The following CBFB variants were observed in gnomAD, a reference collection of about 807,000 sequenced individuals.
CBFB encodes the protein core-binding factor subunit beta.
A neutral mutation model predicts 30.4 loss-of-function variants in CBFB; 9 were observed. The observed-to-expected ratio is 0.30, with a 90% CI of 0.18 to 0.52. The LOEUF is 0.52. CBFB is among the 20% of genes least tolerant of loss of function. The pLI, the probability that CBFB is intolerant of heterozygous loss-of-function variation, is 0.97. For synonymous variants in CBFB, 94 were observed against 84.0 expected (o/e 1.12, Z -0.65); for missense variants, 170 against 244.0 (o/e 0.70, Z 2.02).
At chr16:67,042,187 G>T (rs1966543543) in intron 3 of CBFB, among the ~76,000 whole-genome samples, 1 of 152,140 alleles carries the variant, frequency 6.6e-6, no homozygotes. Flanking sequence ...GCCTCCCAAA[G>T]TGCTGGGATT....
intron 3 of CBFB, among the ~76,000 whole-genome samples, chr16:67,061,106 A>C (rs1960898825): frequency 6.6e-6 from 1 of 152,236 alleles, no homozygotes; most frequent in Admixed American, 6.5e-5. Flanking sequence ...TGTATAATTT[A>C]AATTGAATAT....
At chr16:67,098,688 A>C (rs777182039) in intron 5 of CBFB, 22 bp from the exon 6 acceptor site, 2 of 1,529,680 alleles carry the variant, frequency 1.3e-6, no homozygotes, top group Non-Finnish European at 1.8e-6. Flanking sequence ...TTTGACCCCA[A>C]ATTATGATTT....
At chr16:67,055,955 A>C (rs926819535) in intron 3 of CBFB, among the ~76,000 whole-genome samples, 3 of 152,166 alleles carry the variant, frequency 2.0e-5, no homozygotes, top group Non-Finnish European at 4.4e-5. Flanking sequence ...GACAGGGTAC[A>C]TACTTCTTCA....
intron 3 of CBFB, among the ~76,000 whole-genome samples, 190 bp from the exon 4 acceptor site, chr16:67,066,492 A>C (rs767829551): frequency 2.0e-5 from 3 of 151,894 alleles, no homozygotes; most frequent in Non-Finnish European, 2.9e-5. Flanking sequence ...CCCGGGAGGC[A>C]GAGGTTGCAG....
intron 5 of CBFB, among the ~76,000 whole-genome samples, chr16:67,092,007 A>G (rs775857424): frequency 6.6e-6 from 1 of 151,850 alleles, no homozygotes; most frequent in African/African-American, 2.4e-5. Context: ...CCAGTCATCT[A>G]TGTTTTAAGC....
chr16:67,052,390 T>A (rs547657282), intron 3 of CBFB, among the ~76,000 whole-genome samples: 1 of 152,174 alleles, frequency 6.6e-6, no homozygotes, highest in South Asian at 2.1e-4. Flanking sequence ...GTCAACATAG[T>A]GAGACCCCAT....
intron 3 of CBFB, among the ~76,000 whole-genome samples, chr16:67,052,432 T>G (rs1237845085): frequency 6.6e-6 from 1 of 151,886 alleles, no homozygotes; most frequent in Admixed American, 6.6e-5. Flanking sequence ...TTTAAGTGAC[T>G]GGGCATAGTG....
chr16:67,050,618 C>T (rs1259505501), intron 3 of CBFB, among the ~76,000 whole-genome samples: 1 of 151,830 alleles, frequency 6.6e-6, no homozygotes, highest in African/African-American at 2.4e-5. Context: ...AATATGAGAC[C>T]CTGTCTGTAC....
intron 3 of CBFB, among the ~76,000 whole-genome samples, chr16:67,056,385 T>C (rs1209934159): frequency 1.3e-5 from 2 of 152,186 alleles, no homozygotes; most frequent in Non-Finnish European, 2.9e-5. Context: ...CAAAATTATG[T>C]ATTGATCAGT....
chr16:67,057,803 A>G (rs1035040901), intron 3 of CBFB, among the ~76,000 whole-genome samples: 1 of 152,068 alleles, frequency 6.6e-6, no homozygotes, highest in Admixed American at 6.6e-5. Context: ...CCTTTTTCAT[A>G]TGTTAAGTAT....
intron 4 of CBFB, among the ~76,000 whole-genome samples, chr16:67,071,626 C>T (rs1961224428): frequency 6.6e-6 from 1 of 152,154 alleles, no homozygotes; most frequent in African/African-American, 2.4e-5. Context: ...AAAACACTAG[C>T]TGTGTGATGC....
At chr16:67,031,182 A>G (rs1012354952) in intron 2 of CBFB, among the ~76,000 whole-genome samples, 3 of 152,242 alleles carry the variant, frequency 2.0e-5, no homozygotes, top group African/African-American at 7.2e-5. Context: ...TAGAGTTGTA[A>G]TAGTGAGAAG....
chr16:67,046,009 T>C (rs1358831568), intron 3 of CBFB, among the ~76,000 whole-genome samples: 2 of 152,140 alleles, frequency 1.3e-5, no homozygotes, highest in African/African-American at 4.8e-5. Context: ...TTGGCCAGGC[T>C]GGTCTCAAAC....
intron 4 of CBFB, among the ~76,000 whole-genome samples, chr16:67,071,096 A>G (rs187777080): frequency 1.7e-4 from 26 of 152,216 alleles, no homozygotes; most frequent in Middle Eastern, 3.4e-3. Context: ...GGTGACTCCA[A>G]CTATTTAGGC....
intron 4 of CBFB, among the ~76,000 whole-genome samples, chr16:67,078,974 G>C (rs1304767988): frequency 6.6e-6 from 1 of 152,078 alleles, no homozygotes; most frequent in Non-Finnish European, 1.5e-5. Flanking sequence ...GTTTTTTCCT[G>C]TCATCGGCAG....
At position 67,060,416 on chromosome 16, in the gene CBFB, A is replaced by G. The variant is rs139987487; in HGVS notation, c.283-6266A>G. Reference sequence around the variant, plus strand: ...AATTTCAAAACATTTTCGTCACACCATAAAGAAATCCCATACATGGTAGCA... The same window carrying G: ...AATTTCAAAACATTTTCGTCACACCGTAAAGAAATCCCATACATGGTAGCA... On this transcript the variant is annotated intron_variant, in intron 3 of 5. Transcript: ENST00000412916. Among the ~76,000 whole-genome samples, 27 of 152,298 alleles carry G rather than the reference A, an allele frequency of 1.8e-4. No homozygotes were observed. The East Asian group carries it at 4.2e-3, about 24-fold the overall frequency.
At chr16:67,093,418 G>C (rs949216036) in intron 5 of CBFB, 2 of 137,986 alleles carry the variant, frequency 1.4e-5, no homozygotes, top group African/African-American at 5.7e-5. Flanking sequence ...TAAAAGAATG[G>C]AGATCAACCA....
chr16:67,076,246 TAGCC>T (rs1209695173), intron 4 of CBFB, among the ~76,000 whole-genome samples: 1 of 151,878 alleles, frequency 6.6e-6, no homozygotes, highest in Non-Finnish European at 1.5e-5. Context: ...TTTAAAAAAT[TAGCC>T]AGGCATGGTG....
chr16:67,038,400 A>C (rs1966478585), intron 3 of CBFB, among the ~76,000 whole-genome samples: 1 of 151,870 alleles, frequency 6.6e-6, no homozygotes, highest in South Asian at 2.1e-4. Context: ...ATATGTATAT[A>C]TAAAATGAAT....
Sources: allele counts gnomAD v4.1 joint callset (sites outside exome capture counted in the v4.1 genomes callset), GRCh38; gene constraint gnomAD v4.1.1; transcripts MANE v1.5; gene names NCBI Gene and HGNC (gene_info 2026-07-23, HGNC 2026-07-21).